Variants in ZNF180 observed in about 807,000 individuals in gnomAD.
The protein encoded by ZNF180 is zinc finger protein 180, also known as zinc finger protein 180 (HHZ168).
ZNF180 carries 11 observed loss-of-function variants against 11.8 expected under a neutral mutation model. The ratio of observed to expected loss-of-function variants is 0.93; its 90% confidence interval spans 0.59 to 1.55. The LOEUF (loss-of-function observed/expected upper bound fraction) is 1.55. Among genes scored for constraint, ZNF180 ranks in the 40% most tolerant of loss-of-function variants. The pLI is 0.00. For missense variants in ZNF180, 773 were observed against 781.7 expected, an observed-to-expected ratio of 0.99 and a Z score of 0.13; for synonymous variants, 287 against 257.7, an observed-to-expected ratio of 1.11 and a Z score of -1.09.
At chr19:44,492,923 T>C (rs1394601570) in intron 2 of ZNF180, among the ~76,000 whole-genome samples, 2 of 152,194 alleles carry the variant, frequency 1.3e-5, no homozygotes, top group African/African-American at 2.4e-5. Flanking sequence ...TCAAGGGATA[T>C]GGCGTCCACA....
At position 44,476,342 on chromosome 19, in the gene ZNF180, T is replaced by A. The variant is rs1600061929; in HGVS notation, c.*60A>T. On this transcript the variant is annotated 3_prime_UTR_variant, in exon 5 of 5. Coordinates refer to ENST00000592529, the MANE Select transcript of ZNF180 (RefSeq NM_001278509.3). ...AGTTCTTCCAACTACATGTACTACCTTAAAATAAATTTTTTAAAAGAATGA... is the reference window on the plus strand; with the variant it reads ...AGTTCTTCCAACTACATGTACTACCATAAAATAAATTTTTTAAAAGAATGA... The A allele has an allele frequency of 2.0e-6, 3 of 1,471,640 alleles. No individual in the cohort carries two copies. The South Asian group carries it at 4.3e-5, about 21-fold the overall frequency. The allele number at this position is 1,471,640 out of a possible 1,614,324, so 91.2% of individuals were successfully genotyped here. A position where few individuals can be genotyped will look rare whatever the true frequency, so the allele number is the denominator to read the frequency against.
chr19:44,480,460 C>T (rs1970049291), intron 3 of ZNF180, among the ~76,000 whole-genome samples: 1 of 152,130 alleles, frequency 6.6e-6, no homozygotes, highest in African/African-American at 2.4e-5. Flanking sequence ...CCTAATAATA[C>T]CTAAATCATT....
intron 2 of ZNF180, among the ~76,000 whole-genome samples, chr19:44,490,934 A>G (rs986540455): frequency 1.3e-5 from 2 of 152,096 alleles, no homozygotes; most frequent in Non-Finnish European, 2.9e-5. Flanking sequence ...CCAGCAGTCA[A>G]CTCTATCACT....
Position 44,477,324 on chromosome 19 carries a change from C to T in ZNF180, c.1076G>A (p.Cys359Tyr). ...TGEKPYECSECGKSFSRSSHL... is the reference protein window; with the variant it reads ...TGEKPYECSEYGKSFSRSSHL... The stretch of plus-strand genomic sequence containing the variant: ...CGAGCTCCGGCTGAAGGATTTTCCA[C>T]ATTCACTACATTCATAAGGTTTCTC... Residue 359 changes from cysteine to tyrosine, a missense_variant, in exon 5 of 5, where the codon TGT becomes TAT. Cys to Tyr is a radical substitution (Grantham distance 194). Coordinates refer to ENST00000592529, the MANE Select transcript of ZNF180 (RefSeq NM_001278509.3). The T allele has an allele frequency of 6.2e-7, 1 of 1,612,370 alleles. No individual in the cohort carries two copies. Among genetic ancestry groups the T allele is most frequent in the Non-Finnish European group, 8.5e-7 (1 of 1,178,726 alleles).
rs1362785495 is a variant in ZNF180, at chr19:44,489,365, T to A, written c.52-4930A>T. On this transcript the variant is annotated intron_variant, in intron 2 of 4. Transcript: ENST00000592529. ...GTGTCTGTGTAGAAAGAAGTAGACA[T>A]GGGAGACTTTTCATTTTGTTCTGTA... Among the ~76,000 whole-genome samples, 5 of 143,922 alleles carry A rather than the reference T, an allele frequency of 3.5e-5. No individual in the cohort carries two copies. In the South Asian group the frequency reaches 1.2e-3, roughly 35 times the overall value. 94.4% of individuals were successfully genotyped at this position (143,922 alleles called of 152,430 possible). A position where few individuals can be genotyped will look rare whatever the true frequency, so the allele number is the denominator to read the frequency against.
chr19:44,489,198 A>AGGTGGG, intron 2 of ZNF180, among the ~76,000 whole-genome samples: 1 of 46,694 alleles, frequency 2.1e-5, no homozygotes, highest in Non-Finnish European at 5.5e-5. Flanking sequence ...CTGGGAGGTG[A>AGGTGGG]GGGGCGCCTC....
At chr19:44,488,455 C>T (rs1208128342) in intron 2 of ZNF180, among the ~76,000 whole-genome samples, 6 of 152,150 alleles carry the variant, frequency 3.9e-5, no homozygotes, top group Non-Finnish European at 8.8e-5. Flanking sequence ...TTGGTGGAGA[C>T]GGGGTTTCGC....
chr19:44,478,767 A>T (rs1969999780), intron 4 of ZNF180, among the ~76,000 whole-genome samples: 1 of 152,206 alleles, frequency 6.6e-6, no homozygotes, highest in Non-Finnish European at 1.5e-5. Flanking sequence ...CAAGCAATAG[A>T]GAGTATATAT....
chr19:44,493,742 G>GTTCTTGCTCT (rs1279732168), intron 2 of ZNF180, among the ~76,000 whole-genome samples: 6 of 150,178 alleles, frequency 4.0e-5, no homozygotes, highest in South Asian at 2.1e-4. Flanking sequence ...GCAACTAAGT[G>GTTCTTGCTCT]CTCTTGCTCT....
intron 2 of ZNF180, among the ~76,000 whole-genome samples, chr19:44,486,981 T>C (rs1970246482): frequency 6.6e-6 from 1 of 152,060 alleles, no homozygotes; most frequent in Admixed American, 6.6e-5. Context: ...AGTTGGAGTT[T>C]GCAGCAAGCT....
Position 44,477,649 on chromosome 19 carries a change from G to A in ZNF180, c.751C>T (p.Arg251Cys), listed in dbSNP as rs116970833. The stretch of plus-strand genomic sequence containing the variant: ...GTACCATGGCAAAAAGATTGAATAC[G>A]GTCACTAAATCCATAGGATTTATCT... ...TKDKSYGFSD[R>C]IQSFCHGTPL... Residue 251 changes from arginine to cysteine, a missense_variant, in exon 5 of 5, where the codon CGT becomes TGT. By Grantham distance (180) the Arg-to-Cys change is radical. Coordinates refer to ENST00000592529, the MANE Select transcript of ZNF180 (RefSeq NM_001278509.3). 5.3e-4 allele frequency: 855 copies of A among 1,613,842 alleles called. 2 individuals are homozygous for A. The highest frequency in any genetic ancestry group is 2.5e-3 in the East Asian group (114 of 44,856).
At chr19:44,489,829 GAAA>G (rs1970380066) in intron 2 of ZNF180, among the ~76,000 whole-genome samples, 19 of 83,754 alleles carry the variant, frequency 2.3e-4, no homozygotes, top group South Asian at 1.1e-3. Context: ...AGAAAAGAAA[GAAA>G]AGAAGAGAAG....
chr19:44,498,854 G>A (rs965087400), intron 1 of ZNF180, among the ~76,000 whole-genome samples: 3 of 152,120 alleles, frequency 2.0e-5, no homozygotes, highest in Admixed American at 6.5e-5. Flanking sequence ...GGAGCCCCCA[G>A]GCCTCTATTC....
intron 2 of ZNF180, among the ~76,000 whole-genome samples, chr19:44,488,680 T>C (rs7253493): frequency 0.51 from 77,643 of 150,898 alleles, 20,710 homozygotes; most frequent in South Asian, 0.69. Flanking sequence ...TCTGCCCAGC[T>C]GCCACCCCGT....
intron 2 of ZNF180, 37 bp downstream of exon 2, chr19:44,497,247 G>A (rs1970612036): frequency 2.0e-6 from 3 of 1,528,748 alleles, no homozygotes; most frequent in South Asian, 1.2e-5. Flanking sequence ...GAGAGGGTCA[G>A]GCTGCAGACA....
intron 1 of ZNF180, among the ~76,000 whole-genome samples, chr19:44,500,027 C>G (rs546882529): frequency 4.6e-5 from 7 of 152,218 alleles, no homozygotes; most frequent in Admixed American, 1.3e-4. Flanking sequence ...TGTGTTCCAG[C>G]AACCTGGGCA....
At chr19:44,483,888 A>G (rs947329640) in intron 3 of ZNF180, among the ~76,000 whole-genome samples, 1 of 152,054 alleles carries the variant, frequency 6.6e-6, no homozygotes, top group Non-Finnish European at 1.5e-5. Context: ...AAAACCCTCA[A>G]TCTCAAAAGT....
intron 2 of ZNF180, among the ~76,000 whole-genome samples, chr19:44,487,403 C>T (rs2123469405): frequency 6.6e-6 from 1 of 152,346 alleles, no homozygotes; most frequent in East Asian, 1.9e-4. Context: ...GCTTGCATTA[C>T]TACCACACAT....
rs1261677701 is a variant in ZNF180 at position 44,484,434 on chromosome 19, T to C, written c.53A>G (p.Asp18Gly). 7 of 1,613,248 alleles carry C rather than the reference T, an allele frequency of 4.3e-6. No individual in the cohort carries two copies. The highest frequency in any genetic ancestry group is 1.7e-6 in the Non-Finnish European group (2 of 1,179,308). The part of the protein sequence containing the change: ...PPEPPKVCAQ[D>G]SFLPQEIIIK... ...GATAATCTCTTGAGGAAGGAAAGAA[T>C]CCTGAAAAGGCAAAACAGATGAGAA... is the stretch of plus-strand genomic sequence containing the variant. The change falls in exon 3 of 5, where the codon GAT (aspartate) becomes GGT (glycine). Residue 18 changes from aspartate to glycine, a missense_variant and splice_region_variant. Asp to Gly is a moderately conservative substitution (Grantham distance 94). Coordinates refer to ENST00000592529, the MANE Select transcript of ZNF180 (RefSeq NM_001278509.3).
Sources: gnomAD v4.1 joint callset for allele counts (sites outside exome capture counted in the v4.1 genomes callset) on GRCh38, gnomAD v4.1.1 for gene constraint, MANE v1.5 for transcripts, NCBI Gene and HGNC (gene_info 2026-07-23, HGNC 2026-07-21) for gene names.